The following ARB2A variants were observed in gnomAD, a reference collection of about 807,000 sequenced individuals.
The protein encoded by ARB2A is cotranscriptional regulator ARB2A.
chr5:93,624,379 T>C, the ARB2A span, among the ~76,000 whole-genome samples: 1 of 152,184 alleles, frequency 6.6e-6, no homozygotes, highest in Admixed American at 6.5e-5. Context: ...TTCAAACCAA[T>C]AATTTTCCTA....
At chr5:93,966,402 G>A in the ARB2A span, among the ~76,000 whole-genome samples, 1 of 151,934 alleles carries the variant, frequency 6.6e-6, no homozygotes, top group Admixed American at 6.6e-5. Context: ...GCTCTTACTA[G>A]GTACATCAGT....
At chr5:93,777,076 C>T in the ARB2A span, among the ~76,000 whole-genome samples, 1 of 146,742 alleles carries the variant, frequency 6.8e-6, no homozygotes, top group African/African-American at 2.6e-5. Context: ...TTTACTTTGA[C>T]CTGCTTTAAT....
At chr5:94,037,055 C>A in the ARB2A span, among the ~76,000 whole-genome samples, 13 of 152,032 alleles carry the variant, frequency 8.6e-5, no homozygotes, top group African/African-American at 2.9e-4. Context: ...TATGATTGCA[C>A]CTTAACATAA....
the ARB2A span, among the ~76,000 whole-genome samples, chr5:93,682,057 G>C: frequency 3.6e-4 from 54 of 151,932 alleles, no homozygotes; most frequent in African/African-American, 1.3e-3. Flanking sequence ...AGTGGCTTCA[G>C]CTTATTTCAC....
At chr5:93,639,737 A>G in the ARB2A span, among the ~76,000 whole-genome samples, 1 of 152,180 alleles carries the variant, frequency 6.6e-6, no homozygotes, top group Non-Finnish European at 1.5e-5. Context: ...TTAAACTGAT[A>G]TAAAGTCCCA....
chr5:93,887,972 G>C, the ARB2A span, among the ~76,000 whole-genome samples: 2,103 of 151,878 alleles, frequency 0.014, 40 homozygotes, highest in African/African-American at 0.049. Context: ...GTTCCCTTAG[G>C]AGTCTGTAAA....
At chr5:93,701,885 C>T in the ARB2A span, among the ~76,000 whole-genome samples, 2 of 152,090 alleles carry the variant, frequency 1.3e-5, no homozygotes, top group African/African-American at 4.8e-5. Context: ...TATACTTATC[C>T]AATTCCTTAT....
chr5:94,006,516 G>A, the ARB2A span, among the ~76,000 whole-genome samples: 1 of 152,126 alleles, frequency 6.6e-6, no homozygotes, highest in African/African-American at 2.4e-5. Flanking sequence ...CAAGATGCTA[G>A]CACTGGGGAA....
the ARB2A span, among the ~76,000 whole-genome samples, chr5:93,813,480 C>T: frequency 2.6e-5 from 4 of 152,280 alleles, no homozygotes; most frequent in African/African-American, 9.6e-5. Context: ...TGGAAATTCT[C>T]AGCCTATCCA....
At chr5:93,915,222 T>C in the ARB2A span, among the ~76,000 whole-genome samples, 1 of 151,968 alleles carries the variant, frequency 6.6e-6, no homozygotes, top group African/African-American at 2.4e-5. Context: ...TTATTTGTAC[T>C]GGCAAACCAA....
At chr5:94,097,408 C>T in the ARB2A span, among the ~76,000 whole-genome samples, 4 of 152,172 alleles carry the variant, frequency 2.6e-5, no homozygotes, top group Non-Finnish European at 5.9e-5. Context: ...GGCTATGTCC[C>T]CACCCAAATC....
chr5:94,072,175 G>C, the ARB2A span, among the ~76,000 whole-genome samples: 1 of 152,182 alleles, frequency 6.6e-6, no homozygotes, highest in South Asian at 2.1e-4. Flanking sequence ...CAAAACTAAA[G>C]GGATGGAGAA....
the ARB2A span, among the ~76,000 whole-genome samples, chr5:94,052,847 T>G: frequency 6.6e-6 from 1 of 152,178 alleles, no homozygotes; most frequent in Non-Finnish European, 1.5e-5. Context: ...AAGGTTGAAA[T>G]GCATAAGCTG....
At chr5:94,065,876 C>T in the ARB2A span, among the ~76,000 whole-genome samples, 1 of 152,060 alleles carries the variant, frequency 6.6e-6, no homozygotes, top group Non-Finnish European at 1.5e-5. Context: ...ATCAAATGGA[C>T]CAAACAGACA....
At chr5:93,881,725 C>T in the ARB2A span, 1 of 1,352,200 alleles carries the variant, frequency 7.4e-7, no homozygotes, top group Non-Finnish European at 9.8e-7. Context: ...TAATTTAAAT[C>T]TTATAATCCA....
At chr5:93,662,925 G>A in the ARB2A span, among the ~76,000 whole-genome samples, 1 of 152,212 alleles carries the variant, frequency 6.6e-6, no homozygotes, top group Admixed American at 6.5e-5. Flanking sequence ...GGCAGGTTTG[G>A]TTGTCTGACG....
the ARB2A span, among the ~76,000 whole-genome samples, chr5:93,705,364 A>G: frequency 6.6e-6 from 1 of 152,166 alleles, no homozygotes; most frequent in Non-Finnish European, 1.5e-5. Context: ...TGGTGCAAAC[A>G]TTTTAAATAT....
At chr5:94,017,869 C>G in the ARB2A span, among the ~76,000 whole-genome samples, 2 of 152,184 alleles carry the variant, frequency 1.3e-5, no homozygotes, top group African/African-American at 4.8e-5. Context: ...AGAATTCCCA[C>G]ATGCTGTGGG....
At chr5:93,700,117 A>G in the ARB2A span, among the ~76,000 whole-genome samples, 2 of 152,212 alleles carry the variant, frequency 1.3e-5, no homozygotes, top group African/African-American at 4.8e-5. Context: ...CTTGGGAATT[A>G]GAATCCTATC....
Sources: allele counts gnomAD v4.1 joint callset (sites outside exome capture counted in the v4.1 genomes callset), GRCh38; gene constraint gnomAD v4.1.1; transcripts MANE v1.5; gene names NCBI Gene and HGNC (gene_info 2026-07-23, HGNC 2026-07-21).